MPPED1: variants seen among roughly 807,000 people sequenced by gnomAD.
The protein encoded by MPPED1 is metallophosphoesterase domain-containing protein 1.
Under a neutral mutation model 36.2 loss-of-function variants are expected in MPPED1, and 16 were observed. That is an observed-to-expected ratio of 0.44 (90% CI 0.30 to 0.67). The LOEUF (loss-of-function observed/expected upper bound fraction) is 0.67. Ranked by LOEUF, MPPED1 falls within the 30% of genes least tolerant of loss-of-function variation. The pLI is 0.10. For synonymous variants in MPPED1, 199 were observed against 191.3 expected (o/e 1.04, Z -0.33); for missense variants, 307 against 453.4 (o/e 0.68, Z 2.93).
chr22:43,432,951 GGA>G (rs1353669445), intron 2 of MPPED1, among the ~76,000 whole-genome samples: 3 of 151,418 alleles, frequency 2.0e-5, no homozygotes, highest in Non-Finnish European at 4.4e-5. Context: ...GAGAAAGGGA[GGA>G]GAGAGAGAGG....
chr22:43,473,077 T>C (rs1466132013), intron 3 of MPPED1, among the ~76,000 whole-genome samples: 7 of 152,150 alleles, frequency 4.6e-5, no homozygotes, highest in African/African-American at 1.7e-4. Context: ...TCCTTAGTAT[T>C]TGGAGCAGAG....
intron 4 of MPPED1, among the ~76,000 whole-genome samples, chr22:43,485,093 C>T (rs777189847): frequency 6.6e-6 from 1 of 152,106 alleles, no homozygotes; most frequent in East Asian, 1.9e-4. Flanking sequence ...ACCATACACA[C>T]TCACATGCAC....
chr22:43,423,231 C>T (rs1292513061), intron 1 of MPPED1, among the ~76,000 whole-genome samples: 1 of 152,204 alleles, frequency 6.6e-6, no homozygotes, highest in East Asian at 1.9e-4. Context: ...TGGGGCTTGA[C>T]CCCCGTCCAG....
intron 4 of MPPED1, among the ~76,000 whole-genome samples, chr22:43,475,768 T>C (rs1374409940): frequency 9.1e-6 from 1 of 110,440 alleles, no homozygotes; most frequent in Non-Finnish European, 1.8e-5. Context: ...ATGATGATGA[T>C]GAGGGTGAGG....
Position 43,492,556 on chromosome 22 carries a change from G to C in MPPED1, c.633-5679G>C, listed in dbSNP as rs1602013074. ...GTCCCTGAGAGAGCCCATACTGGGG[G>C]TGCAGGCAGCTCTTCTGTGCCCTGC... On this transcript the variant is annotated intron_variant, in intron 4 of 6. Transcript: ENST00000443721. 2.6e-5 allele frequency among the ~76,000 whole-genome samples: 4 copies of C among 152,258 alleles called. No individual in the cohort carries two copies. The South Asian group carries it at 8.3e-4, about 32-fold the overall frequency.
chr22:43,465,646 C>T (rs887503772), intron 3 of MPPED1, among the ~76,000 whole-genome samples: 1 of 152,194 alleles, frequency 6.6e-6, no homozygotes, highest in Non-Finnish European at 1.5e-5. Flanking sequence ...GGGCACCCAT[C>T]ATCCTGCTAG....
chr22:43,414,042 T>C (rs540568108), intron 1 of MPPED1, among the ~76,000 whole-genome samples: 3 of 152,324 alleles, frequency 2.0e-5, no homozygotes, highest in African/African-American at 7.2e-5. Context: ...CCACCCTGGC[T>C]GATGCCCCGT....
At chr22:43,422,924 C>G (rs1929326043) in intron 1 of MPPED1, among the ~76,000 whole-genome samples, 1 of 152,140 alleles carries the variant, frequency 6.6e-6, no homozygotes, top group Non-Finnish European at 1.5e-5. Context: ...GCAACCTCTG[C>G]CTTCTGGGTT....
At chr22:43,483,592 G>T (rs1931816540) in intron 4 of MPPED1, among the ~76,000 whole-genome samples, 1 of 151,970 alleles carries the variant, frequency 6.6e-6, no homozygotes. Flanking sequence ...TTTCTCTTAA[G>T]AACCCTTTTA....
At chr22:43,481,955 G>A (rs950619608) in intron 4 of MPPED1, among the ~76,000 whole-genome samples, 4 of 152,172 alleles carry the variant, frequency 2.6e-5, no homozygotes, top group Non-Finnish European at 4.4e-5. Flanking sequence ...AGGGTGGCGT[G>A]TTTGTGCTGC....
intron 4 of MPPED1, among the ~76,000 whole-genome samples, chr22:43,489,734 G>T (rs1932026193): frequency 6.6e-6 from 1 of 152,136 alleles, no homozygotes; most frequent in Admixed American, 6.5e-5. Context: ...GGCCAGGCTG[G>T]TGTCGAACTC....
chr22:43,432,526 GAGAT>G (rs1929749127), intron 2 of MPPED1, among the ~76,000 whole-genome samples: 1 of 125,740 alleles, frequency 8.0e-6, no homozygotes, highest in East Asian at 2.9e-4. Flanking sequence ...AGGGAGGAGA[GAGAT>G]AAAGGGAGGA....
At chr22:43,500,424 A>ATGGTGGTGG (rs1932694106) in intron 5 of MPPED1, among the ~76,000 whole-genome samples, 1 of 110,682 alleles carries the variant, frequency 9.0e-6, no homozygotes, top group Non-Finnish European at 1.9e-5. Flanking sequence ...GGAGGTGGTA[A>ATGGTGGTGG]TGGAGGTGGT....
chr22:43,445,558 C>CTTTTTTTTTT, intron 3 of MPPED1, among the ~76,000 whole-genome samples: 1 of 123,912 alleles, frequency 8.1e-6, no homozygotes, highest in Non-Finnish European at 1.6e-5. Context: ...CTGATGTTTC[C>CTTTTTTTTTT]TTTTTTTTTT....
At chr22:43,413,298 C>G (rs2146806084) in intron 1 of MPPED1, among the ~76,000 whole-genome samples, 1 of 145,986 alleles carries the variant, frequency 6.8e-6, no homozygotes, top group Admixed American at 7.0e-5. Flanking sequence ...CACTGGGAGA[C>G]TTGTTAGCAG....
At position 43,435,163 on chromosome 22, in the gene MPPED1, C is replaced by T. The variant is rs1929911151; in HGVS notation, c.354C>T (p.Asp118=). 3.7e-6 allele frequency: 6 copies of T among 1,613,076 alleles called. No individual in the cohort carries two copies. Among genetic ancestry groups the T allele is most frequent in the Non-Finnish European group, 5.1e-6 (6 of 1,179,902 alleles). Residue 118 remains aspartate, a synonymous_variant, in exon 3 of 7, where the codon GAC becomes GAT. Transcript: ENST00000443721. The stretch of plus-strand genomic sequence containing the variant: ...GCGACGTGCTGATCCACGCTGGGGA[C>T]TTCACTGAGCTGGGGCTCCCGAGCG... ...PYGDVLIHAG[D]FTELGLPSEV...
In MPPED1 at chr22:43,491,753, G is replaced by A. The variant is rs572829565; in HGVS notation, c.633-6482G>A. Among the ~76,000 whole-genome samples, 64 of 151,416 alleles carry A rather than the reference G, an allele frequency of 4.2e-4. 1 individual carries two copies. The highest frequency in any genetic ancestry group is 1.5e-3 in the African/African-American group (61 of 41,134). Reference sequence around the variant, plus strand: ...TGCTGGTGGTGGTGATGGTGATGGAGGTAGTGGTGATGGAGGTGGTAATGG... The same window carrying A: ...TGCTGGTGGTGGTGATGGTGATGGAAGTAGTGGTGATGGAGGTGGTAATGG... On this transcript the variant is annotated intron_variant, in intron 4 of 6. Transcript: ENST00000443721.
intron 3 of MPPED1, among the ~76,000 whole-genome samples, chr22:43,463,771 A>G (rs1338027249): frequency 1.7e-5 from 2 of 116,770 alleles, no homozygotes; most frequent in African/African-American, 6.3e-5. Context: ...TTGGCCTCTG[A>G]CTCTTTTTTC....
chr22:43,414,888 G>A (rs570532362), intron 1 of MPPED1, among the ~76,000 whole-genome samples: 2 of 152,206 alleles, frequency 1.3e-5, no homozygotes, highest in South Asian at 2.1e-4. Context: ...GCAGAGGCCT[G>A]GGAATAGCTT....
Sources: gnomAD v4.1 joint callset for allele counts (sites outside exome capture counted in the v4.1 genomes callset) on GRCh38, gnomAD v4.1.1 for gene constraint, MANE v1.5 for transcripts, NCBI Gene and HGNC (gene_info 2026-07-23, HGNC 2026-07-21) for gene names.